The following GATA4 variants were observed in gnomAD, a reference collection of about 807,000 sequenced individuals.
GATA4 encodes the protein GATA binding protein 4.
Under a neutral mutation model 37.9 loss-of-function variants are expected in GATA4, and 7 were observed. The observed-to-expected ratio is 0.18, with a 90% CI of 0.11 to 0.35. GATA4 has a LOEUF of 0.35. GATA4 is among the 10% of genes least tolerant of loss of function. The probability of loss-of-function intolerance (pLI) is 1.00; values close to 1 mark genes in which losing one functional copy is unlikely to be tolerated. For synonymous variants in GATA4, 372 were observed against 292.6 expected (o/e 1.27, Z -2.77); for missense variants, 647 against 653.0 (o/e 0.99, Z 0.10).
intron 1 of GATA4, among the ~76,000 whole-genome samples, chr8:11,705,501 C>T (rs2130049382): frequency 6.6e-6 from 1 of 152,216 alleles, no homozygotes; most frequent in African/African-American, 2.4e-5. Flanking sequence ...TTGGTTGATT[C>T]TTGAAAGGGG....
intron 2 of GATA4, among the ~76,000 whole-genome samples, chr8:11,746,227 CAAAAAAAAAAG>C (rs1802022696): frequency 1.5e-5 from 2 of 129,338 alleles, no homozygotes; most frequent in Admixed American, 8.1e-5. Context: ...GACTCTGTCT[CAAAAAAAAAAG>C]GAAAAAAAAA....
At chr8:11,721,163 C>T (rs964170955) in intron 2 of GATA4, among the ~76,000 whole-genome samples, 3 of 151,476 alleles carry the variant, frequency 2.0e-5, no homozygotes, top group South Asian at 2.1e-4. Flanking sequence ...GTGGGTTCTA[C>T]GGAGCCCTTA....
intron 1 of GATA4, among the ~76,000 whole-genome samples, chr8:11,695,337 C>T (rs986967243): frequency 2.0e-5 from 3 of 152,068 alleles, no homozygotes; most frequent in African/African-American, 7.2e-5. Flanking sequence ...ACCCGGGAGG[C>T]AGAGGTTGCG....
At position 11,757,088 on chromosome 8, in the gene GATA4, G is replaced by A. The variant is rs1226795160; in HGVS notation, c.1149+5G>A. On this transcript the variant is annotated splice_donor_5th_base_variant and intron_variant, in intron 6 of 6. Coordinates refer to ENST00000532059, the MANE Select transcript of GATA4 (RefSeq NM_001308093.3). Reference sequence around the variant, plus strand: ...CACAGCAGCTCCGTGTCCCAGGTACGCGCCATGGCTGGGGCGCCAGGGCTG... The same window carrying A: ...CACAGCAGCTCCGTGTCCCAGGTACACGCCATGGCTGGGGCGCCAGGGCTG... The A allele has an allele frequency of 5.0e-6, 8 of 1,613,374 alleles. No individual in the cohort carries two copies. Among genetic ancestry groups the A allele is most frequent in the African/African-American group, 4.0e-5 (3 of 74,934 alleles).
At position 11,750,137 on chromosome 8, in the gene GATA4, C is replaced by A; in HGVS notation, c.813C>A (p.Ser271=). Reference sequence around the variant, plus strand: ...CCGCCTCCCGCCGAGTGGGCCTCTCCTGTGCCAACTGCCAGACCACCACCA... The same window carrying A: ...CCGCCTCCCGCCGAGTGGGCCTCTCATGTGCCAACTGCCAGACCACCACCA... The part of the protein sequence containing the change: ...RLSASRRVGL[S]CANCQTTTTT... Residue 271 remains serine, a synonymous_variant, in exon 4 of 7, where the codon TCC becomes TCA. Coordinates refer to ENST00000532059, the MANE Select transcript of GATA4 (RefSeq NM_001308093.3). 1 of 1,614,084 alleles carries A rather than the reference C, an allele frequency of 6.2e-7. No homozygotes were observed. The highest frequency in any genetic ancestry group is 8.5e-7 in the Non-Finnish European group (1 of 1,180,032).
intron 2 of GATA4, among the ~76,000 whole-genome samples, chr8:11,741,330 T>G (rs1347212518): frequency 6.6e-6 from 1 of 151,754 alleles, no homozygotes. Flanking sequence ...GCTAGAAAAA[T>G]TAGCTGAGCG....
At chr8:11,683,959 T>A (rs1419686185) in intron 1 of GATA4, among the ~76,000 whole-genome samples, 1 of 152,190 alleles carries the variant, frequency 6.6e-6, no homozygotes, top group Non-Finnish European at 1.5e-5. Context: ...TGCCCACACC[T>A]AAACTTGGAC....
At chr8:11,722,631 G>A (rs1035228817) in intron 2 of GATA4, among the ~76,000 whole-genome samples, 19 of 152,152 alleles carry the variant, frequency 1.2e-4, no homozygotes, top group African/African-American at 4.3e-4. Context: ...TTTCCCAGAG[G>A]ACTTCTGCAG....
At chr8:11,691,044 T>G (rs1338136272), upstream of GATA4, among the ~76,000 whole-genome samples, 1 of 152,220 alleles carries the variant, frequency 6.6e-6, no homozygotes, top group East Asian at 1.9e-4. Context: ...TTTCTTCATC[T>G]ATAAAATGGA....
At chr8:11,733,968 C>T (rs1195313237) in intron 2 of GATA4, among the ~76,000 whole-genome samples, 1 of 152,224 alleles carries the variant, frequency 6.6e-6, no homozygotes, top group Admixed American at 6.5e-5. Flanking sequence ...GCATGAACCA[C>T]ATAGAGGTTT....
chr8:11,713,783 T>C (rs1800307697), intron 2 of GATA4, among the ~76,000 whole-genome samples: 1 of 152,202 alleles, frequency 6.6e-6, no homozygotes, highest in East Asian at 1.9e-4. Flanking sequence ...CATCATAAAC[T>C]CCTGGGCGCT....
Position 11,757,098 on chromosome 8 carries a change from T to G in GATA4, c.1149+15T>G. On this transcript the variant is annotated intron_variant, in intron 6 of 6. Transcript: ENST00000532059. Reference sequence around the variant, plus strand: ...CCGTGTCCCAGGTACGCGCCATGGCTGGGGCGCCAGGGCTGTTTGTGGGGA... The same window carrying G: ...CCGTGTCCCAGGTACGCGCCATGGCGGGGGCGCCAGGGCTGTTTGTGGGGA... 6.2e-7 allele frequency: 1 copy of G among 1,612,928 alleles called. No homozygotes were observed.
intron 2 of GATA4, among the ~76,000 whole-genome samples, chr8:11,727,349 G>T (rs1800975503): frequency 6.6e-6 from 1 of 152,196 alleles, no homozygotes; most frequent in Non-Finnish European, 1.5e-5. Context: ...CCGCCTGCTG[G>T]GAAGGGGGGA....
chr8:11,736,360 T>C (rs1801452938), intron 2 of GATA4, among the ~76,000 whole-genome samples: 1 of 152,252 alleles, frequency 6.6e-6, no homozygotes, highest in Admixed American at 6.5e-5. Context: ...TACTGCACTT[T>C]TGAGTTGTGG....
At chr8:11,730,538 C>G (rs573951899) in intron 2 of GATA4, among the ~76,000 whole-genome samples, 77 of 152,326 alleles carry the variant, frequency 5.1e-4, no homozygotes, top group African/African-American at 1.7e-3. Flanking sequence ...TTTGTCTGGC[C>G]TCCACGTAGG....
At chr8:11,678,913 AGGAAGT>A (rs1246107954) in intron 1 of GATA4, among the ~76,000 whole-genome samples, 2 of 152,192 alleles carry the variant, frequency 1.3e-5, no homozygotes, top group African/African-American at 4.8e-5. Flanking sequence ...CTTAGTATTG[AGGAAGT>A]GTTTATAAAT....
intron 2 of GATA4, among the ~76,000 whole-genome samples, chr8:11,745,364 A>AG (rs1801977736): frequency 1.4e-5 from 2 of 144,502 alleles, no homozygotes; most frequent in Non-Finnish European, 3.0e-5. Flanking sequence ...GCTTGAGCTT[A>AG]GGAGTTCAAG....
chr8:11,698,045 G>A, intron 1 of GATA4: 1 of 982,522 alleles, frequency 1.0e-6, no homozygotes, highest in Admixed American at 6.1e-5. Flanking sequence ...ACCTCGTCCC[G>A]GTCGGGTTCT....
intron 2 of GATA4, among the ~76,000 whole-genome samples, chr8:11,739,020 A>G (rs1028708358): frequency 1.8e-4 from 27 of 152,354 alleles, no homozygotes; most frequent in African/African-American, 6.3e-4. Flanking sequence ...TGCCACAGCG[A>G]TGCCTGAGCC....
Sources: gnomAD v4.1 joint callset for allele counts (sites outside exome capture counted in the v4.1 genomes callset) on GRCh38, gnomAD v4.1.1 for gene constraint, MANE v1.5 for transcripts, NCBI Gene and HGNC (gene_info 2026-07-23, HGNC 2026-07-21) for gene names.